TMEFF1: variants seen among roughly 807,000 people sequenced by gnomAD.
The protein encoded by TMEFF1 is transmembrane protein with EGF like and two follistatin like domains 1.
Under a neutral mutation model 47.5 loss-of-function variants are expected in TMEFF1, and 20 were observed. The ratio of observed to expected loss-of-function variants is 0.42; its 90% CI spans 0.30 to 0.61. TMEFF1 has a LOEUF of 0.61. Among genes scored for constraint, TMEFF1 ranks in the 20% least tolerant of loss-of-function variants. TMEFF1 has a pLI of 0.19. For synonymous variants in TMEFF1, 162 were observed against 166.3 expected (o/e 0.97, Z 0.20); for missense variants, 411 against 471.1 (o/e 0.87, Z 1.18).
In TMEFF1 at chr9:100,473,957, C is replaced by A. The variant is rs966144917; in HGVS notation, c.196+217C>A. On this transcript the variant is annotated intron_variant, in intron 1 of 9. Transcript: ENST00000374879. The surrounding 1 kb of genome is among the most constrained non-coding windows in gnomAD (Gnocchi z 5.4). ...TGGCCGTGGGTGCGTCCGAGTGTGTCGAGTGGCTGGGCGAGGGCGGCCCGG... is the reference window on the plus strand; with the variant it reads ...TGGCCGTGGGTGCGTCCGAGTGTGTAGAGTGGCTGGGCGAGGGCGGCCCGG... 6.6e-6 allele frequency among the ~76,000 whole-genome samples: 1 copy of A among 151,400 alleles called. No homozygotes were observed. Among genetic ancestry groups the A allele is most frequent in the African/African-American group, 2.4e-5 (1 of 41,206 alleles).
chr9:100,537,709 A>G (rs1838545679), intron 5 of TMEFF1, among the ~76,000 whole-genome samples: 2 of 151,612 alleles, frequency 1.3e-5, no homozygotes, highest in Non-Finnish European at 2.9e-5. Context: ...AGATATTATG[A>G]CTAAATGTTT....
intron 1 of TMEFF1, among the ~76,000 whole-genome samples, chr9:100,496,989 A>G (rs1837661453): frequency 6.6e-6 from 1 of 152,146 alleles, no homozygotes; most frequent in African/African-American, 2.4e-5. Context: ...GCAGTTCTTT[A>G]TTAATATTTT....
At chr9:100,498,484 T>A (rs984713011) in intron 1 of TMEFF1, among the ~76,000 whole-genome samples, 1 of 152,104 alleles carries the variant, frequency 6.6e-6, no homozygotes, top group Non-Finnish European at 1.5e-5. Flanking sequence ...AATGGAAAAA[T>A]TCCACAGATT....
Position 100,473,635 on chromosome 9 carries a change from G to C in TMEFF1, c.91G>C (p.Ala31Pro). 1 of 1,557,198 alleles carries C rather than the reference G, an allele frequency of 6.4e-7. No homozygotes were observed. The highest frequency in any genetic ancestry group is 2.4e-5 in the East Asian group (1 of 41,698). ...CTACACGTCGGTGCTTCTGCTCTTCGCCTTCTCTCTGCCCGGGAGCCGCGC... is the reference window on the plus strand; with the variant it reads ...CTACACGTCGGTGCTTCTGCTCTTCCCCTTCTCTCTGCCCGGGAGCCGCGC... ...CCYTSVLLLF[A>P]FSLPGSRASN... Residue 31 changes from alanine (A) to proline (P), a missense_variant, in exon 1 of 10, where the codon GCC becomes CCC. Physicochemically the swap from Ala to Pro is conservative, Grantham distance 27. Transcript: ENST00000374879. The surrounding 1 kb of genome is among the most constrained non-coding windows in gnomAD (Gnocchi z 5.4).
intron 5 of TMEFF1, among the ~76,000 whole-genome samples, chr9:100,537,243 G>A (rs958577505): frequency 1.3e-5 from 2 of 152,160 alleles, no homozygotes; most frequent in Non-Finnish European, 2.9e-5. Context: ...AACAGTTAAG[G>A]TAATAGCTTC....
chr9:100,503,748 C>T (rs1487782645), intron 2 of TMEFF1, among the ~76,000 whole-genome samples: 2 of 152,156 alleles, frequency 1.3e-5, no homozygotes, highest in African/African-American at 4.8e-5. Context: ...CTTAAGCGGT[C>T]AAGCAAAAGG....
chr9:100,494,206 C>CA (rs543991655), intron 1 of TMEFF1, among the ~76,000 whole-genome samples: 2,309 of 51,796 alleles, frequency 0.045, 48 homozygotes, highest in African/African-American at 0.064. Context: ...GACCTTGTCT[C>CA]AAAAAAAAAA....
In TMEFF1 at chr9:100,527,281, C is replaced by T. The variant is rs1172524309; in HGVS notation, c.560+10510C>T. ...AACAGCTCCGGTCTACAGCTCCCAG[C>T]GTGAGCCACGCAGAACACGGTGATT... On this transcript the variant is annotated intron_variant, in intron 5 of 9. Transcript: ENST00000374879. 5.9e-5 allele frequency among the ~76,000 whole-genome samples: 9 copies of T among 152,324 alleles called. No individual in the cohort carries two copies. In the East Asian group the frequency reaches 1.4e-3, roughly 23 times the overall value.
intron 2 of TMEFF1, among the ~76,000 whole-genome samples, chr9:100,506,009 A>G (rs1837853751): frequency 6.6e-6 from 1 of 152,174 alleles, no homozygotes; most frequent in South Asian, 2.1e-4. Context: ...CTGGAGGAAT[A>G]TATATAATAG....
intron 8 of TMEFF1, among the ~76,000 whole-genome samples, chr9:100,566,321 G>T (rs555340598): frequency 6.6e-6 from 1 of 152,098 alleles, no homozygotes; most frequent in Non-Finnish European, 1.5e-5. Flanking sequence ...TTTGAAACTC[G>T]TAGATCCATA....
At chr9:100,547,560 A>G (rs373584549) in intron 5 of TMEFF1, among the ~76,000 whole-genome samples, 184 bp from the exon 6 acceptor site, 1 of 152,188 alleles carries the variant, frequency 6.6e-6, no homozygotes, top group Non-Finnish European at 1.5e-5. Context: ...TGATGAAATT[A>G]TCTCTAAATC....
At chr9:100,498,289 G>A (rs1837695788) in intron 1 of TMEFF1, among the ~76,000 whole-genome samples, 1 of 152,008 alleles carries the variant, frequency 6.6e-6, no homozygotes, top group Non-Finnish European at 1.5e-5. Flanking sequence ...AAAATAGTTT[G>A]CCTAGAATGA....
Position 100,572,702 on chromosome 9 carries a change from A to C in TMEFF1, c.1058+26A>C, listed in dbSNP as rs1028647408. The stretch of plus-strand genomic sequence containing the variant: ...GTAGGTAATGATGTAAGAAATATCA[A>C]CTTTAAATTAGAGGCAGGCAACTGT... On this transcript the variant is annotated intron_variant, in intron 9 of 9. Coordinates refer to ENST00000374879, the MANE Select transcript of TMEFF1 (RefSeq NM_003692.5). 6.3e-6 allele frequency: 10 copies of C among 1,579,886 alleles called. No individual in the cohort carries two copies. The African/African-American group carries it at 1.4e-4, about 22-fold the overall frequency.
At chr9:100,501,160 G>A (rs143051449) in intron 2 of TMEFF1, among the ~76,000 whole-genome samples, 234 of 152,256 alleles carry the variant, frequency 1.5e-3, no homozygotes, top group Non-Finnish European at 2.6e-3. Flanking sequence ...TCCTGTGTGG[G>A]GAAGACCGGG....
chr9:100,520,471 T>C (rs958381321), intron 5 of TMEFF1, among the ~76,000 whole-genome samples: 2 of 152,242 alleles, frequency 1.3e-5, no homozygotes, highest in African/African-American at 2.4e-5. Flanking sequence ...CTCTTGCTAA[T>C]GGTTGTTAAA....
At chr9:100,511,925 AT>A (rs1380942473) in intron 3 of TMEFF1, among the ~76,000 whole-genome samples, 1 of 152,192 alleles carries the variant, frequency 6.6e-6, no homozygotes, top group East Asian at 1.9e-4. Flanking sequence ...ACAGTATTTA[AT>A]TTATTTAAGG....
chr9:100,533,788 G>C (rs1299223912), intron 5 of TMEFF1, among the ~76,000 whole-genome samples: 2 of 152,222 alleles, frequency 1.3e-5, no homozygotes, highest in Admixed American at 1.3e-4. Flanking sequence ...GTGCGATCTT[G>C]TTTCACTGCA....
intron 2 of TMEFF1, 129 bp downstream of exon 2, chr9:100,499,003 T>A: frequency 1.1e-6 from 1 of 884,750 alleles, no homozygotes; most frequent in Non-Finnish European, 1.7e-6. Context: ...CCCTCAGTTC[T>A]TTTTTGTCAG....
chr9:100,547,210 C>G (rs1315003320), intron 5 of TMEFF1, among the ~76,000 whole-genome samples: 1 of 151,848 alleles, frequency 6.6e-6, no homozygotes, highest in African/African-American at 2.4e-5. Flanking sequence ...GAGATGGGGT[C>G]TTGCTTTGTT....
Sources: gnomAD v4.1 joint callset for allele counts (sites outside exome capture counted in the v4.1 genomes callset) on GRCh38, gnomAD v4.1.1 for gene constraint, Gnocchi (gnomAD v3.1) non-coding constraint, MANE v1.5 for transcripts, NCBI Gene and HGNC (gene_info 2026-07-23, HGNC 2026-07-21) for gene names.